Variants in PIK3C2B observed in about 807,000 individuals in gnomAD.
PIK3C2B encodes the protein phosphatidylinositol-4-phosphate 3-kinase catalytic subunit type 2 beta, also known as phosphatidylinositol 4-phosphate 3-kinase C2 domain-containing subunit beta.
In PIK3C2B, 83 loss-of-function variants were observed where a neutral mutation model predicts 184.3. That is an observed-to-expected ratio of 0.45 (90% CI 0.38 to 0.54). PIK3C2B has a LOEUF of 0.54. Ranked by LOEUF, PIK3C2B falls within the 20% of genes least tolerant of loss-of-function variation. The probability of loss-of-function intolerance (pLI) is 0.00; values close to 1 mark genes in which losing one functional copy is unlikely to be tolerated. For synonymous variants in PIK3C2B, 779 were observed against 837.6 expected (o/e 0.93, Z 1.21); for missense variants, 1,736 against 2,113.5 (o/e 0.82, Z 3.50).
chr1:204,491,009 G>A (rs1338331913), intron 1 of PIK3C2B, among the ~76,000 whole-genome samples: 3 of 152,134 alleles, frequency 2.0e-5, no homozygotes, highest in Admixed American at 1.3e-4. Context: ...AAGCAGATGA[G>A]GCCCAGAAAA....
chr1:204,472,408 C>A (rs1055917111), intron 1 of PIK3C2B, among the ~76,000 whole-genome samples: 8 of 151,840 alleles, frequency 5.3e-5, no homozygotes, highest in African/African-American at 1.9e-4. Context: ...CGTGATCCAC[C>A]CAGCTCGGCC....
Position 204,456,012 on chromosome 1 carries a change from A to G in PIK3C2B, c.1787T>C (p.Leu596Pro). The G allele has an allele frequency of 6.2e-7, 1 of 1,614,128 alleles. No homozygotes were observed. Among genetic ancestry groups the G allele is most frequent in the Non-Finnish European group, 8.5e-7 (1 of 1,179,956 alleles). Residue 596 changes from leucine to proline, a missense_variant, in exon 11 of 33, where the codon CTG becomes CCG. Around this residue, in one of 8 missense-constraint regions of PIK3C2B, gnomAD observed 609 missense variants for 699.2 expected, o/e 0.87. Coordinates refer to ENST00000684373, the MANE Select transcript of PIK3C2B (RefSeq NM_001377334.1). ...VEALTAAILD[L>P]VELYCNTFNA... is the part of the protein sequence containing the mutation. ...GAATGTGTTGCAGTACAGCTCCACC[A>G]GGTCCAAGATGGCAGCGGTCAGGGC...
In PIK3C2B at chr1:204,469,850, G is replaced by A. The variant is rs768489690; in HGVS notation, c.-48C>T. On this transcript the variant is annotated 5_prime_UTR_variant, in exon 2 of 33. The change creates a new upstream start codon in the 5' untranslated region. Transcript: ENST00000684373. The stretch of plus-strand genomic sequence containing the variant: ...AACAAAGTCTCTACTTCCTGCCAAC[G>A]TCAGTTCTGGAGGGTTGTGACATGG... The A allele has an allele frequency of 3.6e-5, 48 of 1,340,274 alleles. No individual in the cohort carries two copies. The highest frequency in any genetic ancestry group is 3.8e-4 in the Middle Eastern group (2 of 5,198). 83.0% of individuals were successfully genotyped at this position (1,340,274 alleles called of 1,614,324 possible).
intron 1 of PIK3C2B, among the ~76,000 whole-genome samples, chr1:204,491,544 T>C (rs1386640676): frequency 2.0e-5 from 3 of 151,990 alleles, no homozygotes; most frequent in Non-Finnish European, 2.9e-5. Flanking sequence ...ACTTAAAAAA[T>C]TAGCCACATG....
At position 204,472,937 on chromosome 1, in the gene PIK3C2B, T is replaced by G. The variant is rs542098691; in HGVS notation, c.-84-3051A>C. Among the ~76,000 whole-genome samples, 14 of 152,206 alleles carry G rather than the reference T, an allele frequency of 9.2e-5. No homozygotes were observed. In the South Asian group the frequency reaches 2.3e-3, roughly 25 times the overall value. On this transcript the variant is annotated intron_variant, in intron 1 of 32. Transcript: ENST00000684373. The stretch of plus-strand genomic sequence containing the variant: ...CTATGAATGTGTGTTTGTGATTAGG[T>G]TGGGGGAGACCAGTGTGAAGTAGTC...
intron 2 of PIK3C2B, among the ~76,000 whole-genome samples, chr1:204,466,506 G>T (rs1572368572): frequency 6.6e-6 from 1 of 152,098 alleles, no homozygotes; most frequent in South Asian, 2.1e-4. Context: ...GCACAGAGGG[G>T]AGGGCAGCAG....
rs573754414 is a variant in PIK3C2B at position 204,483,078 on chromosome 1, C to A, written c.-85+11278G>T. On this transcript the variant is annotated intron_variant, in intron 1 of 32. Coordinates refer to ENST00000684373, the MANE Select transcript of PIK3C2B (RefSeq NM_001377334.1). Reference sequence around the variant, plus strand: ...AAAGCCATGGCTACCACTGGGGGTGCCTTTCTCTTCCTCCTGCTTTCTCTC... The same window carrying A: ...AAAGCCATGGCTACCACTGGGGGTGACTTTCTCTTCCTCCTGCTTTCTCTC... 3.3e-5 allele frequency among the ~76,000 whole-genome samples: 5 copies of A among 152,256 alleles called. No homozygotes were observed. The South Asian group carries it at 1.0e-3, about 32-fold the overall frequency.
chr1:204,460,942 C>A (rs1655287169), intron 5 of PIK3C2B, among the ~76,000 whole-genome samples: 1 of 152,216 alleles, frequency 6.6e-6, no homozygotes, highest in Non-Finnish European at 1.5e-5. Flanking sequence ...CACTGGTTCA[C>A]TCCAGGGCTG....
intron 24 of PIK3C2B, among the ~76,000 whole-genome samples, 177 bp from the exon 25 acceptor site, chr1:204,434,126 T>C (rs1359079823): frequency 6.6e-6 from 1 of 152,248 alleles, no homozygotes; most frequent in Non-Finnish European, 1.5e-5. Flanking sequence ...CTCTATATCC[T>C]TCATTGGTTC....
intron 11 of PIK3C2B, 152 bp downstream of exon 11, chr1:204,455,704 T>C: frequency 1.6e-6 from 1 of 625,264 alleles, no homozygotes; most frequent in Non-Finnish European, 2.7e-6. Context: ...CTCAGGCACT[T>C]GGCTCACCCC....
chr1:204,479,114 A>AT (rs1308762400), intron 1 of PIK3C2B, among the ~76,000 whole-genome samples: 1 of 152,200 alleles, frequency 6.6e-6, no homozygotes, highest in African/African-American at 2.4e-5. Context: ...CAGGGTCAGG[A>AT]ACCAGAAGCT....
At chr1:204,430,978 G>T (rs1189540768) in intron 28 of PIK3C2B, among the ~76,000 whole-genome samples, 1 of 152,200 alleles carries the variant, frequency 6.6e-6, no homozygotes, top group Non-Finnish European at 1.5e-5. Flanking sequence ...TAAAAAAATT[G>T]CAGTAAAATA....
intron 1 of PIK3C2B, among the ~76,000 whole-genome samples, chr1:204,485,320 T>A (rs1428703331): frequency 6.6e-6 from 1 of 152,196 alleles, no homozygotes; most frequent in African/African-American, 2.4e-5. Flanking sequence ...TGACTTTAAG[T>A]GAAATAACCT....
chr1:204,450,225 T>C (rs1572331539), intron 12 of PIK3C2B: 2 of 534,568 alleles, frequency 3.7e-6, no homozygotes, highest in East Asian at 6.1e-5. Flanking sequence ...AGAAGCACAA[T>C]GTGGTGTCCT....
intron 26 of PIK3C2B, among the ~76,000 whole-genome samples, chr1:204,432,871 CATAG>C (rs1244137785): frequency 1.3e-5 from 2 of 152,136 alleles, no homozygotes; most frequent in African/African-American, 2.4e-5. Context: ...TGCAGGCATT[CATAG>C]ATAAACACAT....
chr1:204,443,594 T>C lies in PIK3C2B; in HGVS notation c.2871A>G (p.Leu957=). 1 of 1,613,958 alleles carries C rather than the reference T, an allele frequency of 6.2e-7. No individual in the cohort carries two copies. The highest frequency in any genetic ancestry group is 8.5e-7 in the Non-Finnish European group (1 of 1,179,848). ...GAGAGTCCTTGAGGCCGTCCTTCAG[T>C]AACCTGCAAGGCAGAGGGAGTCAGG... is the stretch of plus-strand genomic sequence containing the variant. ...DLRVTHYFFW[L]LKDGLKDSQF... Residue 957 remains leucine (L), a synonymous_variant, in exon 19 of 33, where the codon TTA becomes TTG. Coordinates refer to ENST00000684373, the MANE Select transcript of PIK3C2B (RefSeq NM_001377334.1).
chr1:204,494,129 G>A (rs1191495708), intron 1 of PIK3C2B, among the ~76,000 whole-genome samples: 1 of 152,158 alleles, frequency 6.6e-6, no homozygotes, highest in Non-Finnish European at 1.5e-5. Context: ...AGCTGCTGGA[G>A]TGGAGTGGAG....
chr1:204,485,041 CT>C (rs541322931), intron 1 of PIK3C2B, among the ~76,000 whole-genome samples: 1,570 of 138,188 alleles, frequency 0.011, 27 homozygotes, highest in Admixed American at 0.043. Context: ...GTCTTCCAGT[CT>C]TTTTTTTTTT....
At chr1:204,445,916 C>T in intron 16 of PIK3C2B, 40 bp downstream of exon 16, 1 of 1,409,556 alleles carries the variant, frequency 7.1e-7, no homozygotes, top group Non-Finnish European at 9.5e-7. Flanking sequence ...CTGGCTTCTA[C>T]AAGAACACAT....
Sources: gnomAD v4.1 joint callset for allele counts (sites outside exome capture counted in the v4.1 genomes callset) on GRCh38, gnomAD v4.1.1 for gene constraint, gnomAD v4.1.1 regional missense constraint, MANE v1.5 for transcripts, NCBI Gene and HGNC (gene_info 2026-07-23, HGNC 2026-07-21) for gene names.